The following SOD2 variants were observed in gnomAD, a reference collection of about 807,000 sequenced individuals.
The protein encoded by SOD2 is superoxide dismutase 2, also known as superoxide dismutase [Mn], mitochondrial.
SOD2 carries 11 observed loss-of-function variants against 27.0 expected under a neutral mutation model. The ratio of observed to expected loss-of-function variants is 0.41; its 90% CI spans 0.26 to 0.67. SOD2 has a LOEUF of 0.67. Ranked by LOEUF, SOD2 falls within the 30% of genes least tolerant of loss-of-function variation. SOD2 has a pLI of 0.34. For synonymous variants in SOD2, 105 were observed against 103.0 expected (o/e 1.02, Z -0.12); for missense variants, 250 against 274.5 (o/e 0.91, Z 0.63).
At chr6:159,727,213 C>T in exon 1 of SOD2, 2 of 1,258,944 alleles carry the variant, frequency 1.6e-6, no homozygotes, top group South Asian at 2.6e-5. Context: ...GCAGCTGCTC[C>T]ATTGTGCCTC....
rs1283437346 is a variant in SOD2 at position 159,676,499 on chromosome 6, A to G, written c.*5994T>C. 6.6e-6 allele frequency: 1 copy of G among 152,126 alleles called. No individual in the cohort carries two copies. The highest frequency in any genetic ancestry group is 1.5e-5 in the Non-Finnish European group (1 of 68,026). 9.4% of individuals were successfully genotyped at this position (152,126 alleles called of 1,614,324 possible). On this transcript the variant is annotated 3_prime_UTR_variant, in exon 5 of 5. Coordinates refer to ENST00000538183, the MANE Select transcript of SOD2 (RefSeq NM_000636.4). ...CTTCTCAGCAAACTATTCCAAGGAC[A>G]AAAAAACAAACACCGCATGTTCTCA...
At chr6:159,703,947 T>C (rs987787618) in intron 1 of SOD2, among the ~76,000 whole-genome samples, 2 of 152,250 alleles carry the variant, frequency 1.3e-5, no homozygotes, top group Non-Finnish European at 2.9e-5. Context: ...ACAGTAAGCA[T>C]GTGACACAAG....
At chr6:159,728,431 A>AAAACC (rs1554262804), upstream of SOD2, among the ~76,000 whole-genome samples, 1 of 90,822 alleles carries the variant, frequency 1.1e-5, no homozygotes, top group African/African-American at 4.7e-5. Context: ...AAAACAAAAC[A>AAAACC]AAAAAACTAT....
chr6:159,748,164 C>A (rs201600176), upstream of SOD2: 1 of 1,601,374 alleles, frequency 6.2e-7, no homozygotes, highest in Non-Finnish European at 8.5e-7. The surrounding 1 kb of genome is among the most constrained non-coding windows in gnomAD (Gnocchi z 5.6). Flanking sequence ...TTGATTTGGT[C>A]GTAATTGTTT....
intron 1 of SOD2, among the ~76,000 whole-genome samples, chr6:159,722,461 A>G (rs962611503): frequency 6.6e-6 from 1 of 152,228 alleles, no homozygotes; most frequent in African/African-American, 2.4e-5. Flanking sequence ...CAGAGTATCA[A>G]ATTGGTGTAA....
At chr6:159,737,635 G>C (rs1044729977) in intron 1 of SOD2, among the ~76,000 whole-genome samples, 20 of 151,858 alleles carry the variant, frequency 1.3e-4, no homozygotes, top group African/African-American at 4.6e-4. Context: ...TCAGACTACA[G>C]GTGTGCCACT....
At chr6:159,695,398 A>C (rs148584977), upstream of SOD2, among the ~76,000 whole-genome samples, 182 of 152,304 alleles carry the variant, frequency 1.2e-3, no homozygotes, top group African/African-American at 4.3e-3. Flanking sequence ...CCAACATCAC[A>C]CCTGTCATCA....
chr6:159,742,894 A>T (rs956697620), intron 1 of SOD2, among the ~76,000 whole-genome samples: 7 of 149,534 alleles, frequency 4.7e-5, no homozygotes, highest in Non-Finnish European at 8.9e-5. Context: ...TGTCTCTACA[A>T]AAAAAAAAAG....
upstream of SOD2, among the ~76,000 whole-genome samples, chr6:159,729,941 C>T (rs1046376996): frequency 2.0e-5 from 3 of 152,172 alleles, no homozygotes; most frequent in African/African-American, 7.2e-5. Context: ...CCTAACCAGT[C>T]TAGACTGAAC....
intron 1 of SOD2, among the ~76,000 whole-genome samples, chr6:159,732,401 C>T (rs1778627832): frequency 6.6e-6 from 1 of 152,206 alleles, no homozygotes; most frequent in Admixed American, 6.5e-5. Context: ...TCACAGATCT[C>T]TACCACAGTA....
At chr6:159,742,429 T>A (rs1164676220) in intron 1 of SOD2, among the ~76,000 whole-genome samples, 1 of 152,172 alleles carries the variant, frequency 6.6e-6, no homozygotes, top group African/African-American at 2.4e-5. Flanking sequence ...TACTTGAAAC[T>A]TTTCTTACTT....
At chr6:159,740,270 TTAA>T (rs1235378649) in intron 1 of SOD2, among the ~76,000 whole-genome samples, 1 of 152,232 alleles carries the variant, frequency 6.6e-6, no homozygotes, top group East Asian at 1.9e-4. Flanking sequence ...ATCAGTAATC[TTAA>T]TAAAGAATCA....
At chr6:159,710,942 C>T (rs1777733132) in intron 1 of SOD2, among the ~76,000 whole-genome samples, 1 of 136,994 alleles carries the variant, frequency 7.3e-6, no homozygotes, top group Non-Finnish European at 1.6e-5. Context: ...CCTCCATAAC[C>T]ACCACTCACA....
At chr6:159,703,494 C>A (rs1414380516) in intron 1 of SOD2, among the ~76,000 whole-genome samples, 1 of 151,718 alleles carries the variant, frequency 6.6e-6, no homozygotes, top group African/African-American at 2.4e-5. Flanking sequence ...AAACCAAAGC[C>A]TCAGAATTCC....
chr6:159,757,352 C>T (rs547891872), intron 1 of SOD2, among the ~76,000 whole-genome samples: 10 of 151,974 alleles, frequency 6.6e-5, no homozygotes, highest in African/African-American at 1.9e-4. Context: ...CAGGTATATC[C>T]GGTCTTCAGC....
At position 159,672,793 on chromosome 6, in the gene SOD2, C is replaced by T. The variant is rs191663499; in HGVS notation, c.*9700G>A. 5.9e-5 allele frequency: 9 copies of T among 152,190 alleles called. No homozygotes were observed. Among genetic ancestry groups the T allele is most frequent in the African/African-American group, 2.2e-4 (9 of 41,512 alleles). The allele number at this position is 152,190 out of a possible 1,614,324, so 9.4% of individuals were successfully genotyped here. On this transcript the variant is annotated 3_prime_UTR_variant, in exon 5 of 5. Transcript: ENST00000538183. ...AAATGCTCCAATTAAAAGACACAGA[C>T]TGGCACACTGGATAAAGAGTCAAGA...
chr6:159,728,135 G>A (rs1778328696), upstream of SOD2, among the ~76,000 whole-genome samples: 1 of 152,258 alleles, frequency 6.6e-6, no homozygotes, highest in African/African-American at 2.4e-5. Flanking sequence ...ATGTCACGCA[G>A]TAGGATGTTA....
At chr6:159,720,087 GT>G (rs1344981041) in intron 1 of SOD2, among the ~76,000 whole-genome samples, 1 of 149,866 alleles carries the variant, frequency 6.7e-6, no homozygotes, top group Non-Finnish European at 1.5e-5. Context: ...CTGGAGTGCA[GT>G]GGCACGATCT....
Position 159,719,385 on chromosome 6 carries a change from G to A in SOD2, c.-116+7744C>T, listed in dbSNP as rs116244236. On this transcript the variant is annotated intron_variant, in intron 1 of 2. Transcript: ENST00000401980. Reference sequence around the variant, plus strand: ...TATGTCTCTACTCATGTCTCTAGCTGAGTACGGTGGCATGTGCCTGTAATC... The same window carrying A: ...TATGTCTCTACTCATGTCTCTAGCTAAGTACGGTGGCATGTGCCTGTAATC... 2.6e-3 allele frequency among the ~76,000 whole-genome samples: 390 copies of A among 152,232 alleles called. 5 individuals are homozygous for A. Among genetic ancestry groups the A allele is most frequent in the African/African-American group, 8.9e-3 (368 of 41,562 alleles).
Sources: allele counts gnomAD v4.1 joint callset (sites outside exome capture counted in the v4.1 genomes callset), GRCh38; gene constraint gnomAD v4.1.1; non-coding constraint Gnocchi (gnomAD v3.1); transcripts MANE v1.5; gene names NCBI Gene and HGNC (gene_info 2026-07-23, HGNC 2026-07-21).